Variants in MACROD2 observed in about 807,000 individuals in gnomAD.
The protein encoded by MACROD2 is mono-ADP ribosylhydrolase 2.
MACROD2 carries 36 observed loss-of-function variants against 70.4 expected under a neutral mutation model. The ratio of observed to expected loss-of-function variants is 0.51; its 90% CI spans 0.39 to 0.68. The LOEUF (loss-of-function observed/expected upper bound fraction) is 0.68. Among genes scored for constraint, MACROD2 ranks in the 30% least tolerant of loss-of-function variants. The pLI, the probability that MACROD2 is intolerant of heterozygous loss-of-function variation, is 0.00. For missense variants in MACROD2, 496 were observed against 538.4 expected (o/e 0.92, Z 0.78); for synonymous variants, 172 against 178.8 (o/e 0.96, Z 0.30).
chr20:14,576,893 C>A (rs1980637861), intron 4 of MACROD2, among the ~76,000 whole-genome samples: 1 of 152,132 alleles, frequency 6.6e-6, no homozygotes, highest in African/African-American at 2.4e-5. Context: ...TTTATTTGAA[C>A]CTATCTTTAG....
intron 5 of MACROD2, among the ~76,000 whole-genome samples, chr20:14,927,157 G>A (rs2074243316): frequency 6.6e-6 from 1 of 152,104 alleles, no homozygotes; most frequent in Admixed American, 6.6e-5. Flanking sequence ...GTACGTAAGT[G>A]AGATTGTCTT....
At chr20:15,581,007 C>T (rs2048516218) in intron 8 of MACROD2, among the ~76,000 whole-genome samples, 1 of 152,140 alleles carries the variant, frequency 6.6e-6, no homozygotes, top group Non-Finnish European at 1.5e-5. Context: ...AACATGAGTT[C>T]AGTCAATACA....
chr20:15,546,995 A>C (rs967844785), intron 8 of MACROD2, among the ~76,000 whole-genome samples: 1 of 152,156 alleles, frequency 6.6e-6, no homozygotes, highest in African/African-American at 2.4e-5. Flanking sequence ...CAAGCCAGAG[A>C]GCTAACAATT....
chr20:15,229,211 T>C (rs903984648), intron 5 of MACROD2, among the ~76,000 whole-genome samples: 30 of 152,330 alleles, frequency 2.0e-4, no homozygotes, highest in African/African-American at 7.2e-4. Flanking sequence ...GCTTGTTGTG[T>C]ATAAAAAATA....
In MACROD2 at chr20:14,757,926, A is replaced by T. The variant is rs556700047; in HGVS notation, c.418+72967A>T. ...GCAAGACTCACAAGAGGGAAAGCCG[A>T]CAGAGATACCTACAGACGGAGTGCT... On this transcript the variant is annotated intron_variant, in intron 5 of 17. Transcript: ENST00000684519. The T allele has an allele frequency of 5.0e-5, 57 of 1,135,374 alleles. No individual in the cohort carries two copies. In the African/African-American group the frequency reaches 8.4e-4, roughly 17 times the overall value. The allele number at this position is 1,135,374 out of a possible 1,614,324, so 70.3% of individuals were successfully genotyped here.
At chr20:15,998,610 G>A (rs1235363719) in intron 15 of MACROD2, among the ~76,000 whole-genome samples, 1 of 142,360 alleles carries the variant, frequency 7.0e-6, no homozygotes, top group Non-Finnish European at 1.5e-5. Flanking sequence ...TGTCCCCCAG[G>A]CTGGAGTGCA....
chr20:15,418,601 C>T (rs1001631183), intron 6 of MACROD2, among the ~76,000 whole-genome samples: 1 of 152,150 alleles, frequency 6.6e-6, no homozygotes, highest in Admixed American at 6.5e-5. Context: ...CCTTCAACTT[C>T]CTAATTAAGA....
intron 3 of MACROD2, among the ~76,000 whole-genome samples, chr20:14,226,689 T>C (rs939183724): frequency 3.3e-5 from 5 of 152,190 alleles, no homozygotes; most frequent in Non-Finnish European, 7.4e-5. Flanking sequence ...CCCCCAGCAG[T>C]GCCAGCCCAC....
intron 2 of MACROD2, chr20:14,053,261 T>A (rs1038770794): frequency 2.0e-5 from 3 of 152,108 alleles, no homozygotes; most frequent in African/African-American, 7.2e-5. Context: ...GATAGAAATA[T>A]GTATTTTTGT....
chr20:14,454,845 C>T lies in MACROD2; in HGVS notation c.272-38634C>T, dbSNP rs574027903. Reference sequence around the variant, plus strand: ...TCTGCTCACTGCAAGCTCCGCCTCCCGGGCTCACGCCATTCTCCTGCCTCA... The same window carrying T: ...TCTGCTCACTGCAAGCTCCGCCTCCTGGGCTCACGCCATTCTCCTGCCTCA... On this transcript the variant is annotated intron_variant, in intron 3 of 17. Coordinates refer to ENST00000684519, the MANE Select transcript of MACROD2 (RefSeq NM_001351661.2). Among the ~76,000 whole-genome samples the T allele has an allele frequency of 2.3e-3, 341 of 151,040 alleles. 5 individuals are homozygous for T. The highest frequency in any genetic ancestry group is 1.6e-3 in the Admixed American group (24 of 15,146).
chr20:14,327,196 T>C (rs748319297), intron 3 of MACROD2: 2 of 1,613,674 alleles, frequency 1.2e-6, no homozygotes, highest in South Asian at 2.2e-5. Context: ...TTTTACATAC[T>C]TTGGGAGGTT....
At chr20:14,278,465 C>T (rs780472828) in intron 3 of MACROD2, among the ~76,000 whole-genome samples, 19 of 152,102 alleles carry the variant, frequency 1.2e-4, no homozygotes, top group Non-Finnish European at 2.2e-4. Context: ...ATAAATAAAA[C>T]GACACTACTT....
chr20:15,664,470 T>G (rs1168716756), intron 8 of MACROD2, among the ~76,000 whole-genome samples: 1 of 152,200 alleles, frequency 6.6e-6, no homozygotes, highest in African/African-American at 2.4e-5. Context: ...AATCAGCTAT[T>G]TTTGCGTAAC....
At chr20:15,850,280 G>T (rs761316173) in intron 8 of MACROD2, among the ~76,000 whole-genome samples, 4 of 152,090 alleles carry the variant, frequency 2.6e-5, no homozygotes, top group African/African-American at 9.7e-5. Context: ...AAGGGTGATC[G>T]AACAGGGGGA....
intron 3 of MACROD2, among the ~76,000 whole-genome samples, chr20:14,247,567 A>C (rs901906902): frequency 3.3e-5 from 5 of 152,228 alleles, no homozygotes; most frequent in Non-Finnish European, 5.9e-5. Context: ...GGGTGTCCCT[A>C]ATCTGAAAAT....
chr20:14,942,283 A>G (rs1269473355), intron 5 of MACROD2, among the ~76,000 whole-genome samples: 3 of 152,206 alleles, frequency 2.0e-5, no homozygotes, highest in Non-Finnish European at 4.4e-5. Context: ...TTAAAAGTCA[A>G]CTTGTTAGGA....
Position 14,586,214 on chromosome 20 carries a change from C to T in MACROD2, c.301+92706C>T, listed in dbSNP as rs375970513. On this transcript the variant is annotated intron_variant, in intron 4 of 17. Coordinates refer to ENST00000684519, the MANE Select transcript of MACROD2 (RefSeq NM_001351661.2). ...TGGTCTCAAGTCTTGTGATGAAGGG[C>T]GATGAGATACTACTAAGTGGCTGTG... Among the ~76,000 whole-genome samples the T allele has an allele frequency of 2.6e-5, 4 of 151,698 alleles. 1 individual carries two copies. In the South Asian group the frequency reaches 8.3e-4, roughly 32 times the overall value.
intron 5 of MACROD2, among the ~76,000 whole-genome samples, chr20:14,745,346 T>C (rs2071786389): frequency 6.6e-6 from 1 of 152,182 alleles, no homozygotes; most frequent in Non-Finnish European, 1.5e-5. Flanking sequence ...TAGGCCTATA[T>C]GAGTATGGTA....
intron 5 of MACROD2, among the ~76,000 whole-genome samples, chr20:15,090,838 A>G (rs1330564165): frequency 6.6e-6 from 1 of 152,100 alleles, no homozygotes; most frequent in Non-Finnish European, 1.5e-5. Context: ...CGGAGATTCT[A>G]GGGATACTTT....
Sources: gnomAD v4.1 joint callset for allele counts (sites outside exome capture counted in the v4.1 genomes callset) on GRCh38, gnomAD v4.1.1 for gene constraint, MANE v1.5 for transcripts, NCBI Gene and HGNC (gene_info 2026-07-23, HGNC 2026-07-21) for gene names.